CMSS1: variants seen among roughly 807,000 people sequenced by gnomAD.
CMSS1 encodes cms1 ribosomal small subunit homolog.
A neutral mutation model predicts 43.5 loss-of-function variants in CMSS1; 33 were observed. The ratio of observed to expected loss-of-function variants is 0.76; its 90% CI spans 0.57 to 1.01. The LOEUF (loss-of-function observed/expected upper bound fraction) is 1.01, where lower values mean the gene tolerates loss of function less well. CMSS1 is among the 50% of genes least tolerant of loss of function. CMSS1 has a pLI of 0.00. For synonymous variants in CMSS1, 115 were observed against 117.2 expected (o/e 0.98, Z 0.12); for missense variants, 313 against 326.4 (o/e 0.96, Z 0.32).
chr3:99,845,192 T>A (rs1056007654), intron 1 of CMSS1, among the ~76,000 whole-genome samples: 1 of 149,768 alleles, frequency 6.7e-6, no homozygotes, highest in Non-Finnish European at 1.5e-5. Context: ...ACAATGTCCT[T>A]CTAGTAAGGA....
At chr3:100,164,890 A>C (rs1282037179) in intron 4 of CMSS1, among the ~76,000 whole-genome samples, 1 of 152,216 alleles carries the variant, frequency 6.6e-6, no homozygotes, top group Admixed American at 6.5e-5. Context: ...TTTTCAATTA[A>C]TATTGTGCAC....
At chr3:100,069,617 C>T (rs971971502) in intron 1 of CMSS1, among the ~76,000 whole-genome samples, 1 of 152,138 alleles carries the variant, frequency 6.6e-6, no homozygotes, top group African/African-American at 2.4e-5. Context: ...ACAGTTTATA[C>T]TCTTAAGAAT....
intron 1 of CMSS1, among the ~76,000 whole-genome samples, chr3:99,888,547 G>A (rs538383137): frequency 8.5e-5 from 13 of 152,276 alleles, no homozygotes; most frequent in South Asian, 2.1e-4. Flanking sequence ...TGGTTCGTTG[G>A]TTGGTTTTGT....
Position 99,846,154 on chromosome 3 carries a change from C to G in CMSS1, c.64+28111C>G, listed in dbSNP as rs546253211. 7.0e-4 allele frequency among the ~76,000 whole-genome samples: 107 copies of G among 152,302 alleles called. 2 individuals are homozygous for G. In the South Asian group the frequency reaches 0.022, roughly 31 times the overall value. ...GCCAAGAATGGATTTCTTCCCTCCC[C>G]CCGTCCCCCACCAGCACTTGGGACA... is the stretch of plus-strand genomic sequence containing the variant. On this transcript the variant is annotated intron_variant, in intron 1 of 9. Coordinates refer to ENST00000421999, the MANE Select transcript of CMSS1 (RefSeq NM_032359.4).
intron 1 of CMSS1, among the ~76,000 whole-genome samples, chr3:100,080,165 T>C (rs1197299791): frequency 6.6e-6 from 1 of 152,190 alleles, no homozygotes; most frequent in African/African-American, 2.4e-5. Context: ...ATTTTTTTAA[T>C]AGAGACGGGG....
intron 1 of CMSS1, among the ~76,000 whole-genome samples, chr3:100,047,203 A>G (rs1448974959): frequency 6.6e-6 from 1 of 152,166 alleles, no homozygotes. Context: ...AGGAAGTGAA[A>G]CTAGTAAAAA....
chr3:100,031,988 A>G (rs1194727658), intron 1 of CMSS1, among the ~76,000 whole-genome samples: 1 of 152,022 alleles, frequency 6.6e-6, no homozygotes, highest in Admixed American at 6.6e-5. Context: ...TGCATCATGA[A>G]AAATCCTAAT....
At chr3:100,060,041 G>A (rs2065533354) in intron 1 of CMSS1, among the ~76,000 whole-genome samples, 1 of 151,652 alleles carries the variant, frequency 6.6e-6, no homozygotes, top group Non-Finnish European at 1.5e-5. Flanking sequence ...GAGGACGGTT[G>A]GGGAAATGGG....
intron 1 of CMSS1, among the ~76,000 whole-genome samples, chr3:99,987,880 T>C (rs1349306547): frequency 6.6e-6 from 1 of 152,228 alleles, no homozygotes; most frequent in Non-Finnish European, 1.5e-5. Context: ...CAAACAATAA[T>C]GCACATAGTT....
At chr3:100,060,862 G>A (rs961866122) in intron 1 of CMSS1, among the ~76,000 whole-genome samples, 2 of 151,814 alleles carry the variant, frequency 1.3e-5, no homozygotes, top group African/African-American at 2.4e-5. Flanking sequence ...ATCTTGTCTC[G>A]AAAAAATAAA....
chr3:100,126,654 A>G (rs567411473), intron 1 of CMSS1, among the ~76,000 whole-genome samples: 1 of 152,194 alleles, frequency 6.6e-6, no homozygotes, highest in African/African-American at 2.4e-5. Flanking sequence ...ATTTTTTTCT[A>G]GAATAAGATG....
intron 1 of CMSS1, among the ~76,000 whole-genome samples, chr3:100,098,061 A>G (rs2066241951): frequency 6.6e-6 from 1 of 152,328 alleles, no homozygotes; most frequent in East Asian, 1.9e-4. Context: ...AAGAATAGCA[A>G]CAAGATCATA....
At chr3:99,968,869 T>G (rs895841879) in intron 1 of CMSS1, among the ~76,000 whole-genome samples, 3 of 152,066 alleles carry the variant, frequency 2.0e-5, no homozygotes, top group South Asian at 4.1e-4. Context: ...GTAAGAAAGT[T>G]GAGAAGGGTT....
intron 1 of CMSS1, among the ~76,000 whole-genome samples, chr3:99,964,104 T>C (rs1022973975): frequency 2.0e-5 from 3 of 152,088 alleles, no homozygotes; most frequent in Non-Finnish European, 4.4e-5. Flanking sequence ...CATAGACTCG[T>C]TCTGTGGTGC....
intron 1 of CMSS1, among the ~76,000 whole-genome samples, chr3:100,093,073 A>G (rs898497456): frequency 6.6e-6 from 1 of 152,148 alleles, no homozygotes; most frequent in Non-Finnish European, 1.5e-5. Flanking sequence ...AATAGAATAC[A>G]GAATGGAAAA....
At chr3:100,095,382 C>T (rs1028203563) in intron 1 of CMSS1, among the ~76,000 whole-genome samples, 1 of 151,922 alleles carries the variant, frequency 6.6e-6, no homozygotes, top group Non-Finnish European at 1.5e-5. Flanking sequence ...GTTCTGTATC[C>T]GTGAATTCAA....
intron 1 of CMSS1, among the ~76,000 whole-genome samples, chr3:99,926,956 C>T (rs930009327): frequency 6.6e-6 from 1 of 152,170 alleles, no homozygotes; most frequent in Non-Finnish European, 1.5e-5. Flanking sequence ...TCACTGACAG[C>T]ATGATTTTTC....
chr3:100,022,673 T>C (rs1207827576), intron 1 of CMSS1, among the ~76,000 whole-genome samples: 2 of 152,362 alleles, frequency 1.3e-5, no homozygotes, highest in South Asian at 2.1e-4. Context: ...CCATTCTGCC[T>C]GACTCAGCTG....
At chr3:100,011,040 T>A (rs907079573) in intron 1 of CMSS1, among the ~76,000 whole-genome samples, 1 of 152,106 alleles carries the variant, frequency 6.6e-6, no homozygotes, top group Non-Finnish European at 1.5e-5. Flanking sequence ...AAACCCAGGA[T>A]TCTGTGGTGC....
Sources: allele counts gnomAD v4.1 joint callset (sites outside exome capture counted in the v4.1 genomes callset), GRCh38; gene constraint gnomAD v4.1.1; transcripts MANE v1.5; gene names NCBI Gene and HGNC (gene_info 2026-07-23, HGNC 2026-07-21).